KCNIP1: variants seen among roughly 807,000 people sequenced by gnomAD.
The protein encoded by KCNIP1 is A-type potassium channel modulatory protein KCNIP1.
In KCNIP1, 18 loss-of-function variants were observed where a neutral mutation model predicts 33.0. The observed-to-expected ratio is 0.55, with a 90% CI of 0.38 to 0.81. The LOEUF is 0.81. KCNIP1 is among the 30% of genes least tolerant of loss of function. KCNIP1 has a pLI of 0.00. For missense variants in KCNIP1, 238 were observed against 271.6 expected (o/e 0.88, Z 0.87); for synonymous variants, 93 against 98.3 (o/e 0.95, Z 0.32).
intron 1 of KCNIP1, chr5:170,385,446 A>C (rs777354016): frequency 6.2e-7 from 1 of 1,614,018 alleles, no homozygotes; most frequent in African/African-American, 1.3e-5. Flanking sequence ...CTTCTTCACC[A>C]TATTCACTGG....
In KCNIP1 at chr5:170,487,134, A is replaced by G. The variant is rs192983582; in HGVS notation, c.88+133170A>G. On this transcript the variant is annotated intron_variant, in intron 1 of 7. Coordinates refer to the KCNIP1 transcript ENST00000377360. ...TGGCAAATTCAAAATCGGCAGGGCA[A>G]GTAGTCAAGGGAAATTCAAAATTGG... is the stretch of plus-strand genomic sequence containing the variant. 2.1e-3 allele frequency among the ~76,000 whole-genome samples: 317 copies of G among 152,298 alleles called. 2 individuals carry two copies. The highest frequency in any genetic ancestry group is 7.4e-3 in the African/African-American group (306 of 41,574).
At chr5:170,731,947 A>G (rs1764218736) in intron 5 of KCNIP1, among the ~76,000 whole-genome samples, 1 of 152,042 alleles carries the variant, frequency 6.6e-6, no homozygotes, top group African/African-American at 2.4e-5. Context: ...TTAGTTAATA[A>G]TAGTGAAGCC....
At chr5:170,403,229 G>C (rs1474507795) in intron 1 of KCNIP1, among the ~76,000 whole-genome samples, 1 of 152,196 alleles carries the variant, frequency 6.6e-6, no homozygotes, top group African/African-American at 2.4e-5. Context: ...CAGAAAGATA[G>C]AAAGAAACTC....
chr5:170,422,291 C>T (rs1032588925), intron 1 of KCNIP1: 1 of 152,246 alleles, frequency 6.6e-6, no homozygotes, highest in East Asian at 1.9e-4. Context: ...CCACCCACAG[C>T]TGCGTGACTA....
intron 1 of KCNIP1, among the ~76,000 whole-genome samples, chr5:170,485,464 C>A (rs944535513): frequency 6.6e-6 from 1 of 152,218 alleles, no homozygotes; most frequent in Admixed American, 6.5e-5. Context: ...CAGAGCTGAG[C>A]CCTGTGAGTC....
At chr5:170,410,296 C>T (rs1040866958) in intron 1 of KCNIP1, among the ~76,000 whole-genome samples, 1 of 116,408 alleles carries the variant, frequency 8.6e-6, no homozygotes, top group East Asian at 2.1e-4. Flanking sequence ...CCAGGTCCCC[C>T]ACTCAGGAGA....
chr5:170,367,615 G>A (rs1763729471), intron 1 of KCNIP1, among the ~76,000 whole-genome samples: 1 of 152,096 alleles, frequency 6.6e-6, no homozygotes, highest in African/African-American at 2.4e-5. Context: ...AACCAAAGGA[G>A]ACCTCTCTCT....
At chr5:170,649,816 G>A (rs1760963847) in intron 1 of KCNIP1, among the ~76,000 whole-genome samples, 1 of 152,188 alleles carries the variant, frequency 6.6e-6, no homozygotes, top group South Asian at 2.1e-4. Context: ...CAGGAGGGAG[G>A]CAAGGTGATG....
chr5:170,667,817 A>G (rs1015112698), intron 1 of KCNIP1, among the ~76,000 whole-genome samples: 1 of 152,262 alleles, frequency 6.6e-6, no homozygotes, highest in Non-Finnish European at 1.5e-5. Context: ...TAAGCAGCCA[A>G]TTAATATTAC....
At chr5:170,601,540 T>C (rs905808) in intron 1 of KCNIP1, among the ~76,000 whole-genome samples, 48,127 of 152,042 alleles carry the variant, frequency 0.32, 8,697 homozygotes, top group Non-Finnish European at 0.42. Context: ...ATAGGACACA[T>C]GTTGTATTAA....
intron 1 of KCNIP1, among the ~76,000 whole-genome samples, chr5:170,584,067 G>A (rs1757896775): frequency 6.6e-6 from 1 of 152,228 alleles, no homozygotes; most frequent in Non-Finnish European, 1.5e-5. Flanking sequence ...ACTACCTGAA[G>A]ATGGAATATG....
At chr5:170,629,182 A>C (rs774932190) in intron 1 of KCNIP1, among the ~76,000 whole-genome samples, 2 of 152,214 alleles carry the variant, frequency 1.3e-5, no homozygotes, top group Non-Finnish European at 2.9e-5. Flanking sequence ...TCTGGGAGAC[A>C]GACTCTCAGT....
At chr5:170,725,299 A>T (rs941259030) in intron 5 of KCNIP1, among the ~76,000 whole-genome samples, 1 of 152,230 alleles carries the variant, frequency 6.6e-6, no homozygotes, top group African/African-American at 2.4e-5. Context: ...AGATGAATGG[A>T]TAAAGAAAAT....
chr5:170,714,038 A>T (rs1220977080), intron 1 of KCNIP1, among the ~76,000 whole-genome samples: 1 of 150,170 alleles, frequency 6.7e-6, no homozygotes, highest in African/African-American at 2.4e-5. Context: ...AAAAAAAAAA[A>T]GCTAGATGGG....
chr5:170,436,398 G>A lies in KCNIP1; in HGVS notation c.88+82434G>A, dbSNP rs1439982350. On this transcript the variant is annotated intron_variant, in intron 1 of 7. Transcript: ENST00000377360. ...GTCTCAGGGACCAGCTTTAAAGGAT[G>A]ACAGGCCTCCCACTGGGTCACAGGG... Among the ~76,000 whole-genome samples the A allele has an allele frequency of 2.0e-5, 3 of 152,224 alleles. No individual in the cohort carries two copies. In the East Asian group the frequency reaches 5.8e-4, roughly 29 times the overall value.
chr5:170,367,352 A>G (rs575929951), intron 1 of KCNIP1, among the ~76,000 whole-genome samples: 2,098 of 40,668 alleles, frequency 0.052, 31 homozygotes, highest in East Asian at 0.078. Flanking sequence ...GGAAAGAAAA[A>G]GAAAGAAAGA....
intron 1 of KCNIP1, among the ~76,000 whole-genome samples, chr5:170,395,390 A>G (rs563688739): frequency 9.0e-4 from 137 of 152,338 alleles, no homozygotes; most frequent in African/African-American, 3.1e-3. Flanking sequence ...GAAAGGCTAT[A>G]CAGTTTTCTA....
At chr5:170,430,412 C>T (rs1380246919) in intron 1 of KCNIP1, among the ~76,000 whole-genome samples, 1 of 152,220 alleles carries the variant, frequency 6.6e-6, no homozygotes, top group Non-Finnish European at 1.5e-5. Flanking sequence ...AATTGTTCTA[C>T]TTGCCCAGCA....
intron 1 of KCNIP1, among the ~76,000 whole-genome samples, chr5:170,711,455 A>G (rs1453816289): frequency 2.6e-5 from 4 of 152,212 alleles, no homozygotes; most frequent in African/African-American, 9.6e-5. Context: ...GGGTAGTGAA[A>G]CTATTCTGCG....
Sources: gnomAD v4.1 joint callset for allele counts (sites outside exome capture counted in the v4.1 genomes callset) on GRCh38, gnomAD v4.1.1 for gene constraint, MANE v1.5 for transcripts, NCBI Gene and HGNC (gene_info 2026-07-23, HGNC 2026-07-21) for gene names.